The following SNTG2 variants were observed in gnomAD, a reference collection of about 807,000 sequenced individuals.
SNTG2 encodes the protein gamma-2-syntrophin.
In SNTG2, 74 loss-of-function variants were observed where a neutral mutation model predicts 70.9. The observed-to-expected ratio is 1.04, with a 90% confidence interval of 0.86 to 1.27. The LOEUF is 1.27. SNTG2 is among the 50% of genes most tolerant of loss of function. SNTG2 has a pLI of 0.00. For missense variants in SNTG2, 717 were observed against 690.7 expected (o/e 1.04, Z -0.43); for synonymous variants, 278 against 273.8 (o/e 1.02, Z -0.15).
rs751591068 is a variant in SNTG2, at chr2:951,027, G to A, written c.31G>A (p.Ala11Thr). 5.5e-6 allele frequency: 7 copies of A among 1,262,846 alleles called. No individual in the cohort carries two copies. The highest frequency in any genetic ancestry group is 3.9e-5 in the Admixed American group (1 of 25,374). 78.2% of individuals were successfully genotyped at this position (1,262,846 alleles called of 1,614,324 possible). ...CACCGAGGGACCCCCGCCCCCGGCC[G>A]CCTCCCGCGGACGCCAGGGCTGCCT... MGTEGPPPPA[A>T]SRGRQGCLLV... Residue 11 changes from alanine (A) to threonine (T), a missense_variant, in exon 1 of 17, where the codon GCC becomes ACC. Ala to Thr is a moderately conservative substitution (Grantham distance 58, BLOSUM62 0). Transcript: ENST00000308624.
intron 16 of SNTG2, among the ~76,000 whole-genome samples, chr2:1,349,759 T>C (rs1372046364): frequency 6.6e-6 from 1 of 152,208 alleles, no homozygotes; most frequent in Non-Finnish European, 1.5e-5. Context: ...TTATGCATGA[T>C]TGCATTAATC....
intron 4 of SNTG2, among the ~76,000 whole-genome samples, chr2:1,109,240 T>A (rs1269099275): frequency 1.3e-5 from 2 of 152,070 alleles, no homozygotes; most frequent in Admixed American, 1.3e-4. Flanking sequence ...GATCACCCAG[T>A]TCATACTTAA....
intron 15 of SNTG2, among the ~76,000 whole-genome samples, chr2:1,310,263 G>C (rs1283552603): frequency 6.6e-6 from 1 of 152,136 alleles, no homozygotes; most frequent in Non-Finnish European, 1.5e-5. Context: ...TGGCCCACCG[G>C]CCCCATTGCC....
intron 16 of SNTG2, chr2:1,341,760 G>C (rs1192346477): frequency 6.6e-6 from 1 of 152,198 alleles, no homozygotes; most frequent in Admixed American, 6.5e-5. Flanking sequence ...GCAGCTTCTG[G>C]GGCCCTCAGC....
At chr2:1,166,720 G>A (rs752085100) in intron 7 of SNTG2, among the ~76,000 whole-genome samples, 10 of 152,286 alleles carry the variant, frequency 6.6e-5, no homozygotes, top group East Asian at 1.9e-4. Flanking sequence ...CAAATGTTGC[G>A]TTTTCCAGTA....
chr2:1,006,604 G>T (rs1026323618), intron 1 of SNTG2, among the ~76,000 whole-genome samples: 1 of 152,154 alleles, frequency 6.6e-6, no homozygotes. Flanking sequence ...GAATGCATTT[G>T]AATAGAAAAT....
rs182332383 is a variant in SNTG2 at position 954,037 on chromosome 2, A to G, written c.72+2969A>G. On this transcript the variant is annotated intron_variant, in intron 1 of 16. Transcript: ENST00000308624. ...TATTTACTAAATGGGTATATTCAGG[A>G]TAGACTTACTAAGCAGTGTGATTTT... Among the ~76,000 whole-genome samples the G allele has an allele frequency of 6.4e-3, 978 of 152,252 alleles. 7 individuals carry two copies. Among genetic ancestry groups the G allele is most frequent in the Non-Finnish European group, 0.011 (751 of 68,020 alleles).
intron 8 of SNTG2, among the ~76,000 whole-genome samples, chr2:1,177,890 G>T (rs2147898327): frequency 6.6e-6 from 1 of 152,260 alleles, no homozygotes; most frequent in East Asian, 1.9e-4. Flanking sequence ...AAGATTAGCA[G>T]TGATTGCATC....
At chr2:1,321,045 C>G (rs1681497921) in intron 16 of SNTG2, among the ~76,000 whole-genome samples, 1 of 152,122 alleles carries the variant, frequency 6.6e-6, no homozygotes, top group African/African-American at 2.4e-5. Flanking sequence ...GAAGAAGGAG[C>G]AAATTATTGT....
At chr2:1,064,671 A>C (rs1197035267) in intron 1 of SNTG2, among the ~76,000 whole-genome samples, 2 of 152,160 alleles carry the variant, frequency 1.3e-5, no homozygotes, top group East Asian at 1.9e-4. Flanking sequence ...AAATTTTAAG[A>C]ATCTACATGT....
At position 1,353,360 on chromosome 2, in the gene SNTG2, C is replaced by G. The variant is rs1573019293; in HGVS notation, c.1489-13983C>G. ...CTGGGGCCCTGGCTTGGACTCTCTG[C>G]AGCACCGCAAGTGTGGAATTGAGTT... On this transcript the variant is annotated intron_variant, in intron 16 of 16. Transcript: ENST00000308624. The surrounding 1 kb of genome is among the most constrained non-coding windows in gnomAD (Gnocchi z 4.2). Among the ~76,000 whole-genome samples, 1 of 152,216 alleles carries G rather than the reference C, an allele frequency of 6.6e-6. No individual in the cohort carries two copies. Among genetic ancestry groups the G allele is most frequent in the African/African-American group, 2.4e-5 (1 of 41,452 alleles).
intron 6 of SNTG2, among the ~76,000 whole-genome samples, chr2:1,161,894 G>C (rs1005581073): frequency 5.9e-5 from 9 of 152,024 alleles, no homozygotes; most frequent in Non-Finnish European, 1.3e-4. Flanking sequence ...CTAACACGGT[G>C]AAACCCCGTC....
rs571395828 is a variant in SNTG2 at position 1,243,889 on chromosome 2, G to A, written c.889-3438G>A. On this transcript the variant is annotated intron_variant, in intron 11 of 16. Transcript: ENST00000308624. ...AAAAATACAAAAATTAGCCGGGCGT[G>A]GTGGCACGCGCCTGTAATCCCAGCT... is the stretch of plus-strand genomic sequence containing the variant. 3.2e-3 allele frequency among the ~76,000 whole-genome samples: 491 copies of A among 152,338 alleles called. 2 individuals are homozygous for A. Among genetic ancestry groups the A allele is most frequent in the Admixed American group, 5.3e-3 (81 of 15,302 alleles).
chr2:1,255,878 ATATATAAATATATAT>A (rs1678055876), intron 12 of SNTG2, among the ~76,000 whole-genome samples: 1 of 75,004 alleles, frequency 1.3e-5, no homozygotes, highest in East Asian at 3.3e-4. Context: ...ATATAAATAT[ATATATAAATATATAT>A]AAATATATAT....
intron 8 of SNTG2, among the ~76,000 whole-genome samples, chr2:1,189,399 GC>G (rs1389781362): frequency 6.6e-6 from 1 of 152,044 alleles, no homozygotes; most frequent in African/African-American, 2.4e-5. Context: ...ATTTGTAAGA[GC>G]AAAGTCCCAG....
In SNTG2 at chr2:1,096,602, G is replaced by A. The variant is rs188882156; in HGVS notation, c.211-1594G>A. On this transcript the variant is annotated intron_variant, in intron 2 of 16. Transcript: ENST00000308624. ...TTGTCTTTCTGCGCCTGGCTTATTC[G>A]ACTCGGCACAGTGTCCTCCAGGCTC... 1.4e-4 allele frequency among the ~76,000 whole-genome samples: 22 copies of A among 152,234 alleles called. No homozygotes were observed. The East Asian group carries it at 4.3e-3, about 29-fold the overall frequency.
At chr2:1,211,139 CG>C (rs1399773946) in intron 9 of SNTG2, among the ~76,000 whole-genome samples, 11 of 152,278 alleles carry the variant, frequency 7.2e-5, no homozygotes, top group African/African-American at 2.6e-4. Context: ...TTTAACAGTT[CG>C]TGCTCTAACT....
chr2:1,071,770 T>C (rs1663577305), intron 1 of SNTG2, among the ~76,000 whole-genome samples: 1 of 152,108 alleles, frequency 6.6e-6, no homozygotes, highest in South Asian at 2.1e-4. Context: ...CAAAGGACAA[T>C]TCTTGACAGA....
At chr2:1,293,857 A>C (rs774205718) in intron 14 of SNTG2, among the ~76,000 whole-genome samples, 21 of 152,326 alleles carry the variant, frequency 1.4e-4, no homozygotes, top group Non-Finnish European at 2.9e-4. Flanking sequence ...AGGAGTTAAA[A>C]GGACCAGCTT....
Sources: gnomAD v4.1 joint callset for allele counts (sites outside exome capture counted in the v4.1 genomes callset) on GRCh38, gnomAD v4.1.1 for gene constraint, Gnocchi (gnomAD v3.1) non-coding constraint, MANE v1.5 for transcripts, NCBI Gene and HGNC (gene_info 2026-07-23, HGNC 2026-07-21) for gene names.